GRIN2B: variants seen among roughly 807,000 people sequenced by gnomAD.
GRIN2B encodes the protein glutamate ionotropic receptor NMDA type subunit 2B, also known as glutamate receptor ionotropic, NMDA 2B.
In GRIN2B, 5 loss-of-function variants were observed where a neutral mutation model predicts 114.5. The ratio of observed to expected loss-of-function variants is 0.04; its 90% confidence interval spans 0.02 to 0.09. The LOEUF is 0.09. Among genes scored for constraint, GRIN2B ranks in the 10% least tolerant of loss-of-function variants. The pLI is 1.00. For synonymous variants in GRIN2B, 787 were observed against 745.1 expected (o/e 1.06, Z -0.92); for missense variants, 1,108 against 1,943.5 (o/e 0.57, Z 8.08).
At chr12:13,596,757 T>A (rs1030641007) in intron 10 of GRIN2B, among the ~76,000 whole-genome samples, 7 of 152,214 alleles carry the variant, frequency 4.6e-5, no homozygotes, top group Admixed American at 2.6e-4. Flanking sequence ...GAAAACAAAC[T>A]TCGCTGGAAA....
At chr12:13,724,895 C>T (rs1189227314) in intron 4 of GRIN2B, among the ~76,000 whole-genome samples, 2 of 152,136 alleles carry the variant, frequency 1.3e-5, no homozygotes, top group African/African-American at 2.4e-5. Context: ...CCTACCACTA[C>T]CTCCAAAAAT....
chr12:13,724,127 C>T (rs368019972), intron 4 of GRIN2B, among the ~76,000 whole-genome samples: 1 of 152,132 alleles, frequency 6.6e-6, no homozygotes, highest in African/African-American at 2.4e-5. Context: ...CTGTAAAGAA[C>T]ACATCTGAAG....
chr12:13,840,799 TG>T (rs1308420741), intron 3 of GRIN2B, among the ~76,000 whole-genome samples: 1 of 151,822 alleles, frequency 6.6e-6, no homozygotes, highest in Non-Finnish European at 1.5e-5. Context: ...CTGAGTTTTT[TG>T]TTGTTGGTGG....
chr12:13,547,981 A>ATATATAT lies in GRIN2B; in HGVS notation c.*14801_*14802insATATATA. ...TGTGTATATATATATATATATATAT[A>ATATATAT]TTTTTTTTTTTTTTCTGAAAGCTAC... On this transcript the variant is annotated 3_prime_UTR_variant, in exon 14 of 14. Transcript: ENST00000609686. The ATATATAT allele has an allele frequency of 1.3e-3, 88 of 68,596 alleles. No individual in the cohort carries two copies. The highest frequency in any genetic ancestry group is 3.7e-3 in the African/African-American group (81 of 21,784). The allele number at this position is 68,596 out of a possible 1,614,324, so 4.2% of individuals were successfully genotyped here.
At position 13,544,577 on chromosome 12, in the gene GRIN2B, T is replaced by C. The variant is rs1173218432; in HGVS notation, c.*18206A>G. 2 of 152,220 alleles carry C rather than the reference T, an allele frequency of 1.3e-5. No individual in the cohort carries two copies. Among genetic ancestry groups the C allele is most frequent in the Non-Finnish European group, 2.9e-5 (2 of 68,052 alleles). The allele number at this position is 152,220 out of a possible 1,614,324, so 9.4% of individuals were successfully genotyped here. A position where few individuals can be genotyped will look rare whatever the true frequency, so the allele number is the denominator to read the frequency against. On this transcript the variant is annotated 3_prime_UTR_variant, in exon 14 of 14. Transcript: ENST00000609686. ...CAACATCTGTAGACACCTTAAACTA[T>C]AAGGCTTTCCTTCCCAGTCAGCCTC... is the stretch of plus-strand genomic sequence containing the variant.
At chr12:13,625,266 G>A (rs1234885494) in intron 5 of GRIN2B, among the ~76,000 whole-genome samples, 1 of 152,090 alleles carries the variant, frequency 6.6e-6, no homozygotes, top group South Asian at 2.1e-4. Flanking sequence ...GAATATTTAT[G>A]ACCTCTATAT....
At chr12:13,858,806 C>T (rs1865706022) in intron 3 of GRIN2B, among the ~76,000 whole-genome samples, 1 of 152,150 alleles carries the variant, frequency 6.6e-6, no homozygotes, top group Non-Finnish European at 1.5e-5. Flanking sequence ...GTTGAAATCA[C>T]TTTATGTCTC....
rs1950283892 is a variant in GRIN2B, at chr12:13,698,729, C to T, written c.1011-22870G>A. Among the ~76,000 whole-genome samples, 3 of 152,178 alleles carry T rather than the reference C, an allele frequency of 2.0e-5. No individual in the cohort carries two copies. The South Asian group carries it at 6.2e-4, about 32-fold the overall frequency. ...ACAGAGTTTCTCTCTGTCACCCATGCTGCAGTGCAGTGGCACGATCCTGGC... is the reference window on the plus strand; with the variant it reads ...ACAGAGTTTCTCTCTGTCACCCATGTTGCAGTGCAGTGGCACGATCCTGGC... On this transcript the variant is annotated intron_variant, in intron 4 of 13. Transcript: ENST00000609686.
At chr12:13,911,849 A>G (rs560970818) in intron 2 of GRIN2B, among the ~76,000 whole-genome samples, 41 of 152,074 alleles carry the variant, frequency 2.7e-4, no homozygotes, top group Admixed American at 4.6e-4. Context: ...CCAACCCCTC[A>G]CACTATTTCT....
intron 3 of GRIN2B, among the ~76,000 whole-genome samples, chr12:13,835,767 A>T (rs71459104): frequency 8.1e-6 from 1 of 122,808 alleles, no homozygotes; most frequent in East Asian, 2.2e-4. Context: ...AAAACATAGC[A>T]CATTAAAAAA....
At chr12:13,849,905 G>C (rs1865529881) in intron 3 of GRIN2B, among the ~76,000 whole-genome samples, 1 of 152,146 alleles carries the variant, frequency 6.6e-6, no homozygotes, top group African/African-American at 2.4e-5. Context: ...CATTGCCTGA[G>C]CCCGCCTAGA....
chr12:13,793,741 C>T (rs1226145009), intron 3 of GRIN2B, among the ~76,000 whole-genome samples: 2 of 152,130 alleles, frequency 1.3e-5, no homozygotes, highest in Non-Finnish European at 2.9e-5. Flanking sequence ...ATATTTTGAC[C>T]CCTTATCTGA....
At chr12:13,702,890 C>A (rs146026586) in intron 4 of GRIN2B, among the ~76,000 whole-genome samples, 227 of 152,248 alleles carry the variant, frequency 1.5e-3, no homozygotes, top group Middle Eastern at 6.8e-3. Context: ...CTATGCATTC[C>A]AAATTAACTC....
At chr12:13,896,571 T>C (rs528594806) in intron 2 of GRIN2B, among the ~76,000 whole-genome samples, 19 of 152,324 alleles carry the variant, frequency 1.2e-4, no homozygotes, top group African/African-American at 4.3e-4. Flanking sequence ...TACAACTACA[T>C]GGCAATGATC....
chr12:13,897,128 G>C (rs534367045), intron 2 of GRIN2B, among the ~76,000 whole-genome samples: 1 of 151,906 alleles, frequency 6.6e-6, no homozygotes. Context: ...CCTCCTACTC[G>C]CAACGCATCG....
chr12:13,615,122 G>A lies in GRIN2B; in HGVS notation c.1646C>T (p.Ala549Val). 1 of 1,612,492 alleles carries A rather than the reference G, an allele frequency of 6.2e-7. No homozygotes were observed. The highest frequency in any genetic ancestry group is 8.5e-7 in the Non-Finnish European group (1 of 1,178,576). Residue 549 changes from alanine (A) to valine (V), a missense_variant, in exon 8 of 14, where the codon GCC becomes GTC. Transcript: ENST00000609686. This position sits in a 1 kb window ranked among gnomAD's most constrained non-coding sequence, Gnocchi z 5.8. ...SRSNGTVSPS[A>V]FLEPFSADVW... is the part of the protein sequence containing the mutation. ...GCAAACCCATCATTTACCTAAGAAG[G>A]CAGAAGGTGAGACAGTCCCATTGCT...
chr12:13,617,795 G>T (rs1949462836), intron 5 of GRIN2B, among the ~76,000 whole-genome samples: 1 of 152,210 alleles, frequency 6.6e-6, no homozygotes, highest in Non-Finnish European at 1.5e-5. Flanking sequence ...GAAGCAACAA[G>T]TTGGTAGGAC....
intron 4 of GRIN2B, among the ~76,000 whole-genome samples, chr12:13,688,018 TG>T (rs1321681724): frequency 2.0e-5 from 3 of 152,214 alleles, no homozygotes; most frequent in Non-Finnish European, 4.4e-5. Flanking sequence ...TTGTTTTTGG[TG>T]CTTTACATTA....
chr12:13,605,558 C>CACACACACAA (rs1275905670), intron 10 of GRIN2B, among the ~76,000 whole-genome samples: 2 of 143,106 alleles, frequency 1.4e-5, no homozygotes, highest in Non-Finnish European at 1.5e-5. Flanking sequence ...CTCTGACACA[C>CACACACACAA]ACACACACAC....
Sources: gnomAD v4.1 joint callset for allele counts (sites outside exome capture counted in the v4.1 genomes callset) on GRCh38, gnomAD v4.1.1 for gene constraint, Gnocchi (gnomAD v3.1) non-coding constraint, MANE v1.5 for transcripts, NCBI Gene and HGNC (gene_info 2026-07-23, HGNC 2026-07-21) for gene names.